HUWE1: variants seen among roughly 807,000 people sequenced by gnomAD.
HUWE1 encodes HECT, UBA and WWE domain containing E3 ubiquitin protein ligase 1.
Under a neutral mutation model 299.4 loss-of-function variants are expected in HUWE1, and 18 were observed. The ratio of observed to expected loss-of-function variants is 0.06; its 90% confidence interval spans 0.04 to 0.09. The LOEUF (loss-of-function observed/expected upper bound fraction) is 0.09. Ranked by LOEUF, HUWE1 falls within the 10% of genes least tolerant of loss-of-function variation. The pLI is 1.00. For missense variants in HUWE1, 1,832 were observed against 3,462.3 expected (o/e 0.53, Z 11.82); for synonymous variants, 1,317 against 1,286.1 (o/e 1.02, Z -0.51).
rs903166492 is a variant in HUWE1, at chrX:53,533,087, G to A, written c.*222C>T. 3.8e-5 allele frequency: 16 copies of A among 423,441 alleles called. No homozygotes were observed. The highest frequency in any genetic ancestry group is 2.9e-4 in the Admixed American group (7 of 23,914). 34.9% of individuals were successfully genotyped at this position (423,441 alleles called of 1,213,427 possible). A position where few individuals can be genotyped will look rare whatever the true frequency, so the allele number is the denominator to read the frequency against. On this transcript the variant is annotated 3_prime_UTR_variant, in exon 84 of 84. Coordinates refer to ENST00000262854, the MANE Select transcript of HUWE1 (RefSeq NM_031407.7). ...AACACATGGGGTGGGGATCATGGAC[G>A]GCATGGAAAGGGGAGAGAAGGTGAG... is the stretch of plus-strand genomic sequence containing the variant.
chrX:53,590,606 G>T, intron 34 of HUWE1, 107 bp from the exon 35 acceptor site: 1 of 612,145 alleles, frequency 1.6e-6, no homozygotes, highest in Non-Finnish European at 2.8e-6. Context: ...TCAAGCTAAA[G>T]AGAGAGGAAG....
Position 53,608,836 on chromosome X carries a change from C to T in HUWE1, c.2319+16G>A. 2 of 1,068,215 alleles carry T rather than the reference C, an allele frequency of 1.9e-6. No individual in the cohort carries two copies. The highest frequency in any genetic ancestry group is 2.6e-6 in the Non-Finnish European group (2 of 764,404). The allele number at this position is 1,068,215 out of a possible 1,213,427, so 88.0% of individuals were successfully genotyped here. A position where few individuals can be genotyped will look rare whatever the true frequency, so the allele number is the denominator to read the frequency against. On this transcript the variant is annotated intron_variant, in intron 24 of 83. Coordinates refer to ENST00000262854, the MANE Select transcript of HUWE1 (RefSeq NM_031407.7). ...CATATACATCTTTACTCAGTTTGCCCTGTGTTGAATCTTACCACATTAAGG... is the reference window on the plus strand; with the variant it reads ...CATATACATCTTTACTCAGTTTGCCTTGTGTTGAATCTTACCACATTAAGG...
intron 6 of HUWE1, among the ~76,000 whole-genome samples, chrX:53,645,746 T>A (rs1202750182): frequency 0.046 from 775 of 16,850 alleles, 17 homozygotes; most frequent in African/African-American, 0.081. Flanking sequence ...AATATATATA[T>A]ATATATATAT....
At chrX:53,578,171 G>A (rs1556961347) in intron 43 of HUWE1, among the ~76,000 whole-genome samples, 2 of 97,943 alleles carry the variant, frequency 2.0e-5, no homozygotes, top group East Asian at 3.4e-4. Flanking sequence ...CCTCTGCCCC[G>A]CCGCCCTGTC....
chrX:53,550,998 C>G lies in HUWE1; in HGVS notation c.9288G>C (p.Leu3096=). 8.3e-7 allele frequency: 1 copy of G among 1,211,607 alleles called. No individual in the cohort carries two copies. Among genetic ancestry groups the G allele is most frequent in the Non-Finnish European group, 1.1e-6 (1 of 895,418 alleles). The part of the protein sequence containing the change: ...PPDIAAEAQA[L]RREQEARQRQ... ...GCTGCCGGGCTTCTTGCTCTCGTCT[C>G]AGGGCTTGAGCCTCAGCTGCAATGT... Residue 3096 remains leucine, a synonymous_variant, in exon 65 of 84, where the codon CTG becomes CTC. Transcript: ENST00000262854.
chrX:53,584,879 G>T, intron 40 of HUWE1, 133 bp downstream of exon 40: 1 of 721,142 alleles, frequency 1.4e-6, no homozygotes, highest in Non-Finnish European at 2.2e-6. Context: ...CTACACTAAC[G>T]ATATTTGATA....
At chrX:53,578,273 G>T (rs2063297451) in intron 43 of HUWE1, among the ~76,000 whole-genome samples, 1 of 108,229 alleles carries the variant, frequency 9.2e-6, no homozygotes, top group South Asian at 4.1e-4. Context: ...GAGAAGTGAG[G>T]AGCCCCTCCG....
chrX:53,657,653 G>A (rs782442099), intron 3 of HUWE1, among the ~76,000 whole-genome samples: 1 of 112,252 alleles, frequency 8.9e-6, no homozygotes, highest in African/African-American at 3.2e-5. Context: ...CTTTTTGTCA[G>A]AGATGACATG....
At chrX:53,541,627 G>C (rs782807250) in intron 74 of HUWE1, among the ~76,000 whole-genome samples, 1 of 111,314 alleles carries the variant, frequency 9.0e-6, no homozygotes, top group Non-Finnish European at 1.9e-5. Context: ...AGACATGGGA[G>C]ACTGAAGTGA....
chrX:53,575,951 C>T (rs370170218), intron 44 of HUWE1, among the ~76,000 whole-genome samples, 163 bp from the exon 45 acceptor site: 72 of 112,548 alleles, frequency 6.4e-4, no homozygotes, highest in African/African-American at 2.2e-3. Flanking sequence ...CCTAAAATTA[C>T]AAAAACTAGT....
chrX:53,607,401 A>C (rs1001807633), intron 25 of HUWE1, 122 bp downstream of exon 25: 17 of 591,543 alleles, frequency 2.9e-5, no homozygotes, highest in Non-Finnish European at 4.6e-5. Context: ...CTTATACAAC[A>C]TAACACAAAT....
At chrX:53,666,286 G>A (rs1557047554) in intron 3 of HUWE1, among the ~76,000 whole-genome samples, 1 of 110,567 alleles carries the variant, frequency 9.0e-6, no homozygotes, top group Non-Finnish European at 1.9e-5. Context: ...GAGAGCCATG[G>A]CATTAGATTA....
chrX:53,595,964 G>A (rs2064438120), intron 29 of HUWE1, among the ~76,000 whole-genome samples: 1 of 111,770 alleles, frequency 8.9e-6, no homozygotes, highest in African/African-American at 3.2e-5. Context: ...ACAAGGAAAA[G>A]GCAGCATACA....
chrX:53,658,594 A>T (rs782047288), intron 3 of HUWE1, among the ~76,000 whole-genome samples: 2 of 112,076 alleles, frequency 1.8e-5, no homozygotes, highest in African/African-American at 6.5e-5. Flanking sequence ...ACAAAGAAGC[A>T]AAGTCAATAT....
chrX:53,592,852 T>C (rs1364808617), intron 32 of HUWE1, among the ~76,000 whole-genome samples: 1 of 111,803 alleles, frequency 8.9e-6, no homozygotes, highest in Non-Finnish European at 1.9e-5. Flanking sequence ...TCATGCTGAA[T>C]TGTAATCCCC....
Position 53,539,578 on chromosome X carries a change from A to C in HUWE1, c.11632+79T>G, listed in dbSNP as rs782538048. On this transcript the variant is annotated intron_variant, in intron 75 of 83. Coordinates refer to ENST00000262854, the MANE Select transcript of HUWE1 (RefSeq NM_031407.7). ...CACTGAGGGAGAGGAGTAACCTGGA[A>C]GGAAGAAAAACAAGCTGGCAGGAAG... 4.9e-6 allele frequency: 5 copies of C among 1,020,851 alleles called. No homozygotes were observed. The Admixed American group carries it at 1.1e-4, about 23-fold the overall frequency. 84.1% of individuals were successfully genotyped at this position (1,020,851 alleles called of 1,213,427 possible).
At chrX:53,641,642 T>G (rs1036656510) in intron 7 of HUWE1, among the ~76,000 whole-genome samples, 2 of 111,838 alleles carry the variant, frequency 1.8e-5, no homozygotes, top group African/African-American at 6.5e-5. Context: ...GAAAACAGAC[T>G]GCTTCTTACT....
chrX:53,559,625 A>C (rs1556938924), intron 56 of HUWE1, 93 bp from the exon 57 acceptor site: 1 of 740,126 alleles, frequency 1.4e-6, no homozygotes, highest in African/African-American at 2.1e-5. Flanking sequence ...ATCCTCTATT[A>C]AATGCAGAAC....
chrX:53,555,760 G>A (rs1411120358), intron 60 of HUWE1, among the ~76,000 whole-genome samples: 1 of 107,226 alleles, frequency 9.3e-6, no homozygotes, highest in East Asian at 2.9e-4. Context: ...TCCTGCCTCA[G>A]CCTCCTGAGT....
Sources: allele counts gnomAD v4.1 joint callset (sites outside exome capture counted in the v4.1 genomes callset), GRCh38; gene constraint gnomAD v4.1.1; transcripts MANE v1.5; gene names NCBI Gene and HGNC (gene_info 2026-07-23, HGNC 2026-07-21).